The following NTM variants were observed in gnomAD, a reference collection of about 807,000 sequenced individuals.
NTM encodes the protein IgLON family member 2.
In NTM, 13 loss-of-function variants were observed where a neutral mutation model predicts 42.1. The observed-to-expected ratio is 0.31, with a 90% confidence interval of 0.20 to 0.49. The LOEUF (loss-of-function observed/expected upper bound fraction) is 0.49, where lower values mean the gene tolerates loss of function less well. NTM is among the 20% of genes least tolerant of loss of function. NTM has a pLI of 0.99. For missense variants in NTM, 373 were observed against 452.8 expected (o/e 0.82, Z 1.60); for synonymous variants, 187 against 179.2 (o/e 1.04, Z -0.35).
intron 1 of NTM, among the ~76,000 whole-genome samples, chr11:131,830,433 C>T (rs1371652416): frequency 6.6e-6 from 1 of 152,164 alleles, no homozygotes; most frequent in Admixed American, 6.5e-5. Context: ...AGTCCTTTCC[C>T]CATTGCTTGT....
intron 2 of NTM, among the ~76,000 whole-genome samples, chr11:132,124,878 C>A (rs577909009): frequency 6.6e-6 from 1 of 152,334 alleles, no homozygotes; most frequent in African/African-American, 2.4e-5. Context: ...AGCTTCTGTA[C>A]TCCTAGGTAC....
chr11:132,335,120 G>T lies in NTM; in HGVS notation c.1042G>T (p.Val348Phe). ...AGCVWLLPLL[V>F]LHLLLKF is the part of the protein sequence containing the mutation. ...CTGCGTCTGGCTGCTGCCTCTTCTG[G>T]TCTTGCACCTGCTTCTCAAATTTTG... Residue 348 changes from valine (V) to phenylalanine (F), a missense_variant, in exon 9 of 9, where the codon GTC becomes TTC. By Grantham distance (50) the Val-to-Phe change is conservative. Coordinates refer to ENST00000683400, the MANE Select transcript of NTM (RefSeq NM_001352005.2). The T allele has an allele frequency of 6.2e-7, 1 of 1,612,608 alleles. No homozygotes were observed.
intron 1 of NTM, among the ~76,000 whole-genome samples, chr11:131,857,693 G>A (rs759681666): frequency 8.5e-5 from 13 of 152,198 alleles, no homozygotes; most frequent in Middle Eastern, 3.4e-3. Flanking sequence ...AAATGACACC[G>A]CAGATTTGTA....
chr11:131,636,648 T>C (rs1050891422), intron 1 of NTM, among the ~76,000 whole-genome samples: 3 of 152,186 alleles, frequency 2.0e-5, no homozygotes, highest in Non-Finnish European at 4.4e-5. Flanking sequence ...GTTTGTGCGC[T>C]GCTCCAGAGC....
chr11:131,798,288 T>C (rs933033258), intron 1 of NTM, among the ~76,000 whole-genome samples: 4 of 152,234 alleles, frequency 2.6e-5, no homozygotes, highest in Non-Finnish European at 4.4e-5. Flanking sequence ...GCCATTGTTA[T>C]CATGGACGTA....
In NTM at chr11:132,136,196, C is replaced by T. The variant is rs566504149; in HGVS notation, c.168-10086C>T. 3.2e-4 allele frequency among the ~76,000 whole-genome samples: 48 copies of T among 152,282 alleles called. 1 individual carries two copies. Among genetic ancestry groups the T allele is most frequent in the Non-Finnish European group, 4.9e-4 (33 of 68,032 alleles). ...GCATGTTGGTCCTGCTCTCCTGTCC[C>T]ACCTGTGTCTCACCTCCGTAGATGG... On this transcript the variant is annotated intron_variant, in intron 2 of 8. Coordinates refer to ENST00000683400, the MANE Select transcript of NTM (RefSeq NM_001352005.2).
chr11:131,932,919 A>G (rs1270656702), intron 2 of NTM, among the ~76,000 whole-genome samples: 2 of 152,214 alleles, frequency 1.3e-5, no homozygotes, highest in Non-Finnish European at 1.5e-5. Flanking sequence ...GCCGGTGAAT[A>G]AGCCAGAAGC....
At chr11:131,624,867 T>C (rs918496729) in intron 1 of NTM, among the ~76,000 whole-genome samples, 1 of 152,174 alleles carries the variant, frequency 6.6e-6, no homozygotes, top group African/African-American at 2.4e-5. Context: ...GAGGTGGTGA[T>C]GATCAGGCAG....
chr11:131,419,403 G>A (rs188571925), intron 1 of NTM, among the ~76,000 whole-genome samples: 2 of 152,296 alleles, frequency 1.3e-5, no homozygotes, highest in East Asian at 3.9e-4. Flanking sequence ...GGTAGAGGGA[G>A]GTTTCCATAG....
In NTM at chr11:132,069,509, T is replaced by C. The variant is rs1462037324; in HGVS notation, c.168-76773T>C. 3.8e-5 allele frequency among the ~76,000 whole-genome samples: 5 copies of C among 130,180 alleles called. No homozygotes were observed. The South Asian group carries it at 6.8e-4, about 18-fold the overall frequency. 85.4% of individuals were successfully genotyped at this position (130,180 alleles called of 152,430 possible). A position where few individuals can be genotyped will look rare whatever the true frequency, so the allele number is the denominator to read the frequency against. Reference sequence around the variant, plus strand: ...CATGTCACACAGCCAAGTTAACACGTCACACTGACCGTCACAGGTTAGTTA... The same window carrying C: ...CATGTCACACAGCCAAGTTAACACGCCACACTGACCGTCACAGGTTAGTTA... On this transcript the variant is annotated intron_variant, in intron 2 of 8. Coordinates refer to ENST00000683400, the MANE Select transcript of NTM (RefSeq NM_001352005.2).
chr11:131,926,566 C>G (rs1272285976), intron 2 of NTM, among the ~76,000 whole-genome samples: 1 of 152,014 alleles, frequency 6.6e-6, no homozygotes, highest in African/African-American at 2.4e-5. Flanking sequence ...GGCAGGCAGT[C>G]AGCAAAGGGA....
intron 7 of NTM, among the ~76,000 whole-genome samples, chr11:132,319,129 T>TAACA (rs2095502330): frequency 6.6e-6 from 1 of 152,192 alleles, no homozygotes; most frequent in South Asian, 2.1e-4. Context: ...GAAAAGTGGC[T>TAACA]AACAGCTGAG....
At chr11:131,478,646 G>A (rs960990083) in intron 1 of NTM, among the ~76,000 whole-genome samples, 2 of 152,180 alleles carry the variant, frequency 1.3e-5, no homozygotes, top group South Asian at 4.2e-4. Flanking sequence ...TTCATAATCA[G>A]AGACTCTGAC....
At chr11:131,511,911 C>T (rs1304318982) in intron 1 of NTM, among the ~76,000 whole-genome samples, 2 of 152,172 alleles carry the variant, frequency 1.3e-5, no homozygotes, top group Non-Finnish European at 2.9e-5. Context: ...AGAGCCTGTC[C>T]ACACCTGGGA....
At chr11:132,271,296 A>G (rs976784380) in intron 4 of NTM, among the ~76,000 whole-genome samples, 1 of 152,204 alleles carries the variant, frequency 6.6e-6, no homozygotes, top group Non-Finnish European at 1.5e-5. Flanking sequence ...TCCATTCATC[A>G]GTGGATGGAC....
At position 132,313,908 on chromosome 11, in the gene NTM, C is replaced by T. The variant is rs140015278; in HGVS notation, c.783-644C>T. The stretch of plus-strand genomic sequence containing the variant: ...GGACATATTCTTGGGAACCTCTAAT[C>T]CTTCCAGACTAATCCTCTATAACAG... On this transcript the variant is annotated intron_variant, in intron 6 of 8. Coordinates refer to ENST00000683400, the MANE Select transcript of NTM (RefSeq NM_001352005.2). 5.3e-3 allele frequency among the ~76,000 whole-genome samples: 810 copies of T among 152,258 alleles called. 6 individuals are homozygous for T. Among genetic ancestry groups the T allele is most frequent in the African/African-American group, 0.019 (781 of 41,550 alleles).
At chr11:132,237,672 AC>A (rs143948403) in intron 4 of NTM, among the ~76,000 whole-genome samples, 1,701 of 152,276 alleles carry the variant, frequency 0.011, 34 homozygotes, top group African/African-American at 0.039. Flanking sequence ...TCTGGAACCC[AC>A]AGGCAGAGGC....
intron 1 of NTM, among the ~76,000 whole-genome samples, chr11:131,869,257 G>T (rs906544004): frequency 8.5e-5 from 13 of 152,184 alleles, no homozygotes; most frequent in African/African-American, 2.9e-4. Context: ...GGGAACAGGC[G>T]CAAACTCATA....
intron 1 of NTM, among the ~76,000 whole-genome samples, chr11:131,574,824 C>T (rs748404107): frequency 3.3e-5 from 5 of 152,082 alleles, no homozygotes; most frequent in Non-Finnish European, 7.4e-5. Context: ...TTGGCATCGA[C>T]GGGGGCTGCT....
Sources: gnomAD v4.1 joint callset for allele counts (sites outside exome capture counted in the v4.1 genomes callset) on GRCh38, gnomAD v4.1.1 for gene constraint, MANE v1.5 for transcripts, NCBI Gene and HGNC (gene_info 2026-07-23, HGNC 2026-07-21) for gene names.